Variants in PRKCE observed in about 807,000 individuals in gnomAD.
The protein encoded by PRKCE is protein kinase C epsilon type.
PRKCE carries 16 observed loss-of-function variants against 85.4 expected under a neutral mutation model. The observed-to-expected ratio is 0.19, with a 90% CI of 0.13 to 0.28. The LOEUF (loss-of-function observed/expected upper bound fraction) is 0.28. PRKCE is among the 10% of genes least tolerant of loss of function. The pLI, the probability that PRKCE is intolerant of heterozygous loss-of-function variation, is 1.00. For synonymous variants in PRKCE, 388 were observed against 371.5 expected (o/e 1.04, Z -0.51); for missense variants, 573 against 975.2 (o/e 0.59, Z 5.49).
In PRKCE at chr2:45,868,141, AAAAC is replaced by A. The variant is rs1203778004; in HGVS notation, c.412+25094_412+25097del. On this transcript the variant is annotated intron_variant, in intron 2 of 14. Transcript: ENST00000306156. ...ATACTGAAATATCTGCAAAGTTTTA[AAAAC>A]AAACAAACAAACAAAAAACAAACAA... Among the ~76,000 whole-genome samples, 118 of 151,596 alleles carry A rather than the reference AAAAC, an allele frequency of 7.8e-4. 2 individuals carry two copies. The highest frequency in any genetic ancestry group is 6.4e-3 in the Admixed American group (98 of 15,216).
intron 11 of PRKCE, among the ~76,000 whole-genome samples, chr2:46,132,188 G>A (rs1037904670): frequency 6.6e-6 from 1 of 152,036 alleles, no homozygotes; most frequent in Non-Finnish European, 1.5e-5. Context: ...AAAGTCCTCG[G>A]TGGTTGCTCT....
intron 11 of PRKCE, among the ~76,000 whole-genome samples, chr2:46,096,714 C>G (rs955083892): frequency 2.0e-5 from 3 of 152,156 alleles, no homozygotes; most frequent in Non-Finnish European, 4.4e-5. Flanking sequence ...TTAAGTCGCT[C>G]AATCTGTAGT....
intron 2 of PRKCE, among the ~76,000 whole-genome samples, chr2:45,916,607 A>C (rs1012212014): frequency 6.6e-6 from 1 of 152,218 alleles, no homozygotes; most frequent in Non-Finnish European, 1.5e-5. Flanking sequence ...CAATTTTGAC[A>C]TCCTCTCAAA....
intron 10 of PRKCE, among the ~76,000 whole-genome samples, chr2:46,083,337 C>T (rs548033987): frequency 2.0e-5 from 3 of 152,278 alleles, no homozygotes; most frequent in East Asian, 3.9e-4. Context: ...GTGATAAAAC[C>T]GATATGGGAA....
At chr2:45,770,313 C>A (rs1339337018) in intron 1 of PRKCE, among the ~76,000 whole-genome samples, 4 of 152,164 alleles carry the variant, frequency 2.6e-5, no homozygotes, top group Non-Finnish European at 5.9e-5. Context: ...CTTCCTCTGT[C>A]TGGAAACAAC....
intron 1 of PRKCE, among the ~76,000 whole-genome samples, chr2:45,672,414 C>T (rs1051012641): frequency 2.6e-5 from 4 of 152,166 alleles, no homozygotes; most frequent in African/African-American, 9.7e-5. Flanking sequence ...ATCCATCCAT[C>T]CATCTATTCA....
At chr2:45,744,465 C>CT (rs1392651873) in intron 1 of PRKCE, among the ~76,000 whole-genome samples, 2 of 54,018 alleles carry the variant, frequency 3.7e-5, no homozygotes, top group Non-Finnish European at 7.2e-5. Flanking sequence ...TTCTTTCTTT[C>CT]TTTCTTTCTT....
chr2:45,803,901 T>C (rs1688053812), intron 1 of PRKCE, among the ~76,000 whole-genome samples: 1 of 152,214 alleles, frequency 6.6e-6, no homozygotes, highest in African/African-American at 2.4e-5. Flanking sequence ...AGAGATTCTG[T>C]ACACAGGATG....
At chr2:46,129,911 C>T (rs1159915839) in intron 11 of PRKCE, among the ~76,000 whole-genome samples, 2 of 152,128 alleles carry the variant, frequency 1.3e-5, no homozygotes, top group African/African-American at 4.8e-5. Flanking sequence ...CTTATGTTTT[C>T]AAAAAAGAGC....
chr2:45,875,028 C>T (rs975282050), intron 2 of PRKCE, among the ~76,000 whole-genome samples: 1 of 151,754 alleles, frequency 6.6e-6, no homozygotes, highest in Non-Finnish European at 1.5e-5. Flanking sequence ...TGTAGATATA[C>T]ACATACCCAC....
intron 1 of PRKCE, among the ~76,000 whole-genome samples, chr2:45,840,821 ACCATTCCAGCT>A (rs1400842146): frequency 6.6e-6 from 1 of 152,170 alleles, no homozygotes; most frequent in African/African-American, 2.4e-5. Context: ...TTTGGAGAAC[ACCATTCCAGCT>A]GGTCGCTTTG....
At position 46,187,805 on chromosome 2, in the gene PRKCE, A is replaced by ATT. The variant is rs5830890; in HGVS notation, c.*2935_*2936dup. On this transcript the variant is annotated 3_prime_UTR_variant, in exon 15 of 15. Transcript: ENST00000306156. ...ACTGTAAAATGTATTCAATTTTAGG[A>ATT]TTTTTTTTTTTTGTATTGTGATGCT... 4.2e-4 allele frequency: 62 copies of ATT among 145,906 alleles called. No individual in the cohort carries two copies. The highest frequency in any genetic ancestry group is 1.3e-3 in the South Asian group (6 of 4,606). 9.0% of individuals were successfully genotyped at this position (145,906 alleles called of 1,614,324 possible).
chr2:45,703,019 T>C (rs1379530912), intron 1 of PRKCE, among the ~76,000 whole-genome samples: 1 of 123,896 alleles, frequency 8.1e-6, no homozygotes, highest in Non-Finnish European at 1.7e-5. Flanking sequence ...GAAAGCCTTT[T>C]TTCCCCCCCC....
intron 1 of PRKCE, among the ~76,000 whole-genome samples, chr2:45,765,846 C>A (rs1419191533): frequency 6.6e-6 from 1 of 152,184 alleles, no homozygotes; most frequent in East Asian, 1.9e-4. Context: ...AGGGGATTTC[C>A]CTTTCTTCCT....
chr2:45,796,387 G>A (rs1573390980), intron 1 of PRKCE, among the ~76,000 whole-genome samples: 1 of 152,180 alleles, frequency 6.6e-6, no homozygotes, highest in Admixed American at 6.5e-5. Context: ...ACTTCTTAGG[G>A]ATGTAATGAG....
chr2:45,997,605 G>A (rs1704323172), intron 6 of PRKCE, among the ~76,000 whole-genome samples: 1 of 151,986 alleles, frequency 6.6e-6, no homozygotes, highest in African/African-American at 2.4e-5. Flanking sequence ...GGAGTGCAGT[G>A]GTATGATCTC....
rs1221101240 is a variant in PRKCE at position 46,161,150 on chromosome 2, G to GTCCC, written c.2067+1399_2067+1402dup. On this transcript the variant is annotated intron_variant, in intron 14 of 14. Coordinates refer to ENST00000306156, the MANE Select transcript of PRKCE (RefSeq NM_005400.3). Reference sequence around the variant, plus strand: ...AGACTCTAAGCTCCCTGGGTTAACTGTCCCCTGCTGCCACAGGGCTCCCTG... The same window carrying GTCCC: ...AGACTCTAAGCTCCCTGGGTTAACTGTCCCTCCCCTGCTGCCACAGGGCTCCCTG... Among the ~76,000 whole-genome samples the GTCCC allele has an allele frequency of 2.6e-5, 4 of 152,186 alleles. 1 individual carries two copies. In the South Asian group the frequency reaches 8.3e-4, roughly 32 times the overall value.
chr2:46,060,755 T>TG (rs982010781), intron 10 of PRKCE, among the ~76,000 whole-genome samples: 6 of 151,678 alleles, frequency 4.0e-5, no homozygotes, highest in African/African-American at 1.5e-4. Context: ...TTTTTTTTTT[T>TG]TTTGTTTTTT....
chr2:46,127,883 G>C (rs563057167), intron 11 of PRKCE, among the ~76,000 whole-genome samples: 1 of 152,358 alleles, frequency 6.6e-6, no homozygotes, highest in East Asian at 1.9e-4. Context: ...GACCACAGCT[G>C]TGTTTCTCAG....
Sources: allele counts gnomAD v4.1 joint callset (sites outside exome capture counted in the v4.1 genomes callset), GRCh38; gene constraint gnomAD v4.1.1; transcripts MANE v1.5; gene names NCBI Gene and HGNC (gene_info 2026-07-23, HGNC 2026-07-21).